OPCML: variants seen among roughly 807,000 people sequenced by gnomAD.
The protein encoded by OPCML is opioid binding protein/cell adhesion molecule like.
In OPCML, 13 loss-of-function variants were observed where a neutral mutation model predicts 37.8. That is an observed-to-expected ratio of 0.34 (90% CI 0.22 to 0.55). The LOEUF (loss-of-function observed/expected upper bound fraction) is 0.55. OPCML is among the 20% of genes least tolerant of loss of function. OPCML has a pLI of 0.91. For missense variants in OPCML, 341 were observed against 435.6 expected, an observed-to-expected ratio of 0.78 and a Z score of 1.93; for synonymous variants, 176 against 168.8, an observed-to-expected ratio of 1.04 and a Z score of -0.33.
chr11:132,907,640 AAAAG>A (rs1408122637), intron 2 of OPCML, among the ~76,000 whole-genome samples: 3 of 151,958 alleles, frequency 2.0e-5, no homozygotes, highest in Non-Finnish European at 4.4e-5. Context: ...AAAAAAAAAA[AAAAG>A]AAGAAGAAAA....
rs576279871 is a variant in OPCML at position 132,524,061 on chromosome 11, A to G, written c.505+5000T>C. ...TCATGGCAATGGAGCCAGGTGTGTG[A>G]GGCATCGCAGTGGACGACTATGGCA... On this transcript the variant is annotated intron_variant, in intron 4 of 7. Transcript: ENST00000524381. 1.1e-4 allele frequency among the ~76,000 whole-genome samples: 17 copies of G among 152,292 alleles called. No homozygotes were observed. In the South Asian group the frequency reaches 3.5e-3, roughly 32 times the overall value.
intron 4 of OPCML, among the ~76,000 whole-genome samples, chr11:132,469,487 CTG>C (rs752009395): frequency 7.2e-6 from 1 of 138,706 alleles, no homozygotes; most frequent in African/African-American, 2.7e-5. Flanking sequence ...TGTGTGGTGA[CTG>C]TGTGTGTATG....
intron 1 of OPCML, among the ~76,000 whole-genome samples, chr11:133,028,328 T>G (rs1591927086): frequency 6.6e-6 from 1 of 152,088 alleles, no homozygotes; most frequent in African/African-American, 2.4e-5. Flanking sequence ...TTGGAAAGGG[T>G]GCATGTCCAT....
At chr11:133,368,060 T>C (rs780447475) in intron 1 of OPCML, among the ~76,000 whole-genome samples, 15 of 152,200 alleles carry the variant, frequency 9.9e-5, no homozygotes, top group Non-Finnish European at 1.9e-4. Context: ...CTTGGAGGAA[T>C]ATGCCCTGCC....
At chr11:132,447,112 G>T (rs575441932) in intron 4 of OPCML, among the ~76,000 whole-genome samples, 6 of 152,252 alleles carry the variant, frequency 3.9e-5, no homozygotes, top group African/African-American at 1.4e-4. Context: ...TAAGTCCTTT[G>T]CCCTTTGCTT....
At chr11:132,581,001 G>A (rs1019515891) in intron 3 of OPCML, among the ~76,000 whole-genome samples, 8 of 152,118 alleles carry the variant, frequency 5.3e-5, no homozygotes, top group Non-Finnish European at 1.2e-4. Flanking sequence ...TCCAGACCAC[G>A]TCTTATGTAC....
At chr11:133,421,163 A>T in intron 1 of OPCML, 1 of 985,474 alleles carries the variant, frequency 1.0e-6, no homozygotes, top group Non-Finnish European at 1.2e-6. Context: ...ATGAAATTTT[A>T]GTAAACTGTA....
intron 1 of OPCML, among the ~76,000 whole-genome samples, chr11:133,112,527 T>A (rs1949272425): frequency 6.6e-6 from 1 of 152,194 alleles, no homozygotes; most frequent in Non-Finnish European, 1.5e-5. Context: ...ATTGTAGACA[T>A]GGGCAAAATG....
intron 1 of OPCML, among the ~76,000 whole-genome samples, chr11:133,530,333 C>T (rs1430565850): frequency 6.6e-6 from 1 of 152,212 alleles, no homozygotes; most frequent in Non-Finnish European, 1.5e-5. Flanking sequence ...CTGGGGCTCA[C>T]CCCCCGCCTT....
At chr11:132,950,850 T>C (rs1945841561) in intron 1 of OPCML, among the ~76,000 whole-genome samples, 1 of 152,192 alleles carries the variant, frequency 6.6e-6, no homozygotes, top group Non-Finnish European at 1.5e-5. Flanking sequence ...CTTTTGAGAG[T>C]AGTCTCTAAC....
In OPCML at chr11:133,481,763, T is replaced by C. The variant is rs75935549; in HGVS notation, c.61+50501A>G. Among the ~76,000 whole-genome samples the C allele has an allele frequency of 5.9e-3, 893 of 152,314 alleles. 13 individuals are homozygous for C. The highest frequency in any genetic ancestry group is 0.02 in the African/African-American group (851 of 41,574). On this transcript the variant is annotated intron_variant, in intron 1 of 7. Coordinates refer to ENST00000524381, the MANE Select transcript of OPCML (RefSeq NM_001012393.5). ...AAAGGGGGAAAGTTAAATGAAATAA[T>C]GTGCAGGACAGTGTTCATAACCTTT...
rs184668255 is a variant in OPCML at position 132,676,876 on chromosome 11, G to A, written c.147-19557C>T. ...TCTCTTTGTACCACTACTTTTCAAC[G>A]CTGTACTAAACAGCCTGGCTAATGC... On this transcript the variant is annotated intron_variant, in intron 2 of 7. Transcript: ENST00000524381. 2.2e-3 allele frequency among the ~76,000 whole-genome samples: 327 copies of A among 149,112 alleles called. 1 individual carries two copies. Among genetic ancestry groups the A allele is most frequent in the South Asian group, 5.1e-3 (24 of 4,748 alleles).
intron 1 of OPCML, among the ~76,000 whole-genome samples, chr11:133,371,658 T>A (rs1286991976): frequency 1.3e-5 from 2 of 152,214 alleles, no homozygotes; most frequent in African/African-American, 2.4e-5. Flanking sequence ...TCTTCTGCAA[T>A]GATTGTAAGT....
intron 1 of OPCML, among the ~76,000 whole-genome samples, chr11:133,465,758 A>G (rs1946963802): frequency 6.6e-6 from 1 of 152,174 alleles, no homozygotes; most frequent in Non-Finnish European, 1.5e-5. Context: ...AAGTTACCTC[A>G]ACTATGAAAT....
chr11:133,144,263 G>A (rs990607943), intron 1 of OPCML, among the ~76,000 whole-genome samples: 1 of 152,178 alleles, frequency 6.6e-6, no homozygotes, highest in Non-Finnish European at 1.5e-5. Flanking sequence ...AGCCCCATGC[G>A]ACCATGGCAC....
chr11:133,335,292 T>C (rs1452275243), intron 1 of OPCML, among the ~76,000 whole-genome samples: 1 of 152,200 alleles, frequency 6.6e-6, no homozygotes, highest in East Asian at 1.9e-4. Context: ...TCATACAGAA[T>C]GGCAGAATGG....
At chr11:132,575,274 T>A (rs999403999) in intron 3 of OPCML, among the ~76,000 whole-genome samples, 1 of 152,122 alleles carries the variant, frequency 6.6e-6, no homozygotes, top group Non-Finnish European at 1.5e-5. Context: ...GGTTTACTAT[T>A]GCTAGTTTGT....
chr11:133,208,994 T>A lies in OPCML; in HGVS notation c.62-265984A>T, dbSNP rs1939237833. On this transcript the variant is annotated intron_variant, in intron 1 of 7. Coordinates refer to ENST00000524381, the MANE Select transcript of OPCML (RefSeq NM_001012393.5). The surrounding 1 kb of genome is among the most constrained non-coding windows in gnomAD (Gnocchi z 8.9). ...TTACCTGAAATGCTGTCCTACATTC[T>A]CTTCACATGACCAATTCCTATTGTA... is the stretch of plus-strand genomic sequence containing the variant. Among the ~76,000 whole-genome samples the A allele has an allele frequency of 6.6e-6, 1 of 152,194 alleles. No individual in the cohort carries two copies. The highest frequency in any genetic ancestry group is 2.4e-5 in the African/African-American group (1 of 41,450).
chr11:132,449,752 C>A (rs1340013187), intron 4 of OPCML, among the ~76,000 whole-genome samples: 1 of 152,142 alleles, frequency 6.6e-6, no homozygotes, highest in Admixed American at 6.5e-5. Context: ...CTAGCCAGGA[C>A]CCCTGAGCAG....
Sources: allele counts gnomAD v4.1 joint callset (sites outside exome capture counted in the v4.1 genomes callset), GRCh38; gene constraint gnomAD v4.1.1; non-coding constraint Gnocchi (gnomAD v3.1); transcripts MANE v1.5; gene names NCBI Gene and HGNC (gene_info 2026-07-23, HGNC 2026-07-21).